ALDH2: variants seen among roughly 807,000 people sequenced by gnomAD.
ALDH2 encodes aldehyde dehydrogenase 2 family member.
Under a neutral mutation model 59.6 loss-of-function variants are expected in ALDH2, and 44 were observed. That is an observed-to-expected ratio of 0.74 (90% CI 0.58 to 0.95). The LOEUF (loss-of-function observed/expected upper bound fraction) is 0.95, where lower values mean the gene tolerates loss of function less well. Ranked by LOEUF, ALDH2 falls within the 40% of genes least tolerant of loss-of-function variation. ALDH2 has a pLI of 0.00. For missense variants in ALDH2, 570 were observed against 696.3 expected, an observed-to-expected ratio of 0.82 and a Z score of 2.04; for synonymous variants, 291 against 284.0, an observed-to-expected ratio of 1.02 and a Z score of -0.25.
At position 111,792,609 on chromosome 12, in the gene ALDH2, G is replaced by A. The variant is rs201108880; in HGVS notation, c.910G>A (p.Val304Met). 5.5e-4 allele frequency: 880 copies of A among 1,612,126 alleles called. 10 individuals carry two copies. In the Admixed American group the frequency reaches 0.014, roughly 25 times the overall value. The change falls in exon 9 of 13, where the codon GTG becomes ATG. Residue 304 changes from valine (V) to methionine (M), a missense_variant. By Grantham distance (21) the Val-to-Met change is conservative (BLOSUM62 1). Coordinates refer to ENST00000261733, the MANE Select transcript of ALDH2 (RefSeq NM_000690.4). Reference sequence around the variant, plus strand: ...CCCACTTCCCGCAGTGGATTGGGCCGTGGAACAGGCCCACTTCGCCCTGTT... The same window carrying A: ...CCCACTTCCCGCAGTGGATTGGGCCATGGAACAGGCCCACTTCGCCCTGTT... ...IMSDADMDWAVEQAHFALFFN... is the reference protein window; with the variant it reads ...IMSDADMDWAMEQAHFALFFN...
In ALDH2 at chr12:111,815,162, G is replaced by A. The variant is rs189872478; in HGVS notation, c.*5587G>A. ...AGTATTAACTGTGCACCCACTACATGCCAGGAACTGTACTTGGAGCCTTCT... is the reference window on the plus strand; with the variant it reads ...AGTATTAACTGTGCACCCACTACATACCAGGAACTGTACTTGGAGCCTTCT... On this transcript the variant is annotated 3_prime_UTR_variant, in exon 13 of 13. Transcript: ENST00000261733. 9.9e-5 allele frequency: 15 copies of A among 152,274 alleles called. No homozygotes were observed. The highest frequency in any genetic ancestry group is 3.6e-4 in the African/African-American group (15 of 41,554). The allele number at this position is 152,274 out of a possible 1,614,324, so 9.4% of individuals were successfully genotyped here.
chr12:111,804,452 GCGGTGGCTTTTCACCGGGCA>G (rs992568640), intron 12 of ALDH2, among the ~76,000 whole-genome samples: 1 of 152,142 alleles, frequency 6.6e-6, no homozygotes, highest in Non-Finnish European at 1.5e-5. Flanking sequence ...TTCACCAGGC[GCGGTGGCTTTTCACCGGGCA>G]CGGTGGCTCA....
rs1362466734 is a variant in ALDH2 at position 111,810,686 on chromosome 12, C to G, written c.*1111C>G. On this transcript the variant is annotated 3_prime_UTR_variant, in exon 13 of 13. Coordinates refer to ENST00000261733, the MANE Select transcript of ALDH2 (RefSeq NM_000690.4). The stretch of plus-strand genomic sequence containing the variant: ...GCAGTGGCACGATCATAGCTCACTG[C>G]TGCCTCGACCTCCTGGGCTCAAATG... The G allele has an allele frequency of 6.6e-6, 1 of 151,188 alleles. No individual in the cohort carries two copies. The highest frequency in any genetic ancestry group is 2.4e-5 in the African/African-American group (1 of 41,010). The allele number at this position is 151,188 out of a possible 1,614,324, so 9.4% of individuals were successfully genotyped here.
At chr12:111,772,468 G>T (rs1350337363) in intron 1 of ALDH2, among the ~76,000 whole-genome samples, 1 of 151,888 alleles carries the variant, frequency 6.6e-6, no homozygotes, top group African/African-American at 2.4e-5. Flanking sequence ...GGGTTCAAGC[G>T]ATTCTCCTGC....
At chr12:111,769,879 C>T (rs561200623) in intron 1 of ALDH2, among the ~76,000 whole-genome samples, 2 of 152,174 alleles carry the variant, frequency 1.3e-5, no homozygotes, top group East Asian at 1.9e-4. Context: ...GGTGCAGTGG[C>T]TCACACCTGT....
intron 1 of ALDH2, chr12:111,775,547 A>G: frequency 2.4e-6 from 1 of 413,758 alleles, no homozygotes; most frequent in Non-Finnish European, 4.8e-6. Context: ...AGATGTATTT[A>G]TTAAAATATG....
Position 111,766,973 on chromosome 12 carries a change from G to C in ALDH2, c.-10G>C, listed in dbSNP as rs912811130. On this transcript the variant is annotated 5_prime_UTR_variant, in exon 1 of 13. Transcript: ENST00000261733. ...CTCTCGGTCCGCTCGCTGTCCGCTAGCCCGCTGCGATGTTGCGCGCTGCCG... is the reference window on the plus strand; with the variant it reads ...CTCTCGGTCCGCTCGCTGTCCGCTACCCCGCTGCGATGTTGCGCGCTGCCG... The C allele has an allele frequency of 6.6e-7, 1 of 1,520,728 alleles. No individual in the cohort carries two copies. The highest frequency in any genetic ancestry group is 1.2e-5 in the South Asian group (1 of 82,828). 94.2% of individuals were successfully genotyped at this position (1,520,728 alleles called of 1,614,324 possible).
intron 1 of ALDH2, among the ~76,000 whole-genome samples, chr12:111,779,465 C>G (rs989971725): frequency 2.0e-5 from 3 of 152,208 alleles, no homozygotes; most frequent in Non-Finnish European, 4.4e-5. Flanking sequence ...GCTGGGACTA[C>G]AGGTGTGAGC....
rs527533208 is a variant in ALDH2 at position 111,783,321 on chromosome 12, C to G, written c.360+23C>G. On this transcript the variant is annotated intron_variant, in intron 3 of 12. Coordinates refer to ENST00000261733, the MANE Select transcript of ALDH2 (RefSeq NM_000690.4). ...GCGGTGAGTCCTCAGCCCTTCTCCC[C>G]CTCAGATCCCATGTGGTGAATAGGC... 4.5e-5 allele frequency: 71 copies of G among 1,584,004 alleles called. No homozygotes were observed. The East Asian group carries it at 8.2e-4, about 18-fold the overall frequency.
At chr12:111,782,162 T>C in intron 2 of ALDH2, 140 bp downstream of exon 2, 1 of 644,186 alleles carries the variant, frequency 1.6e-6, no homozygotes, top group African/African-American at 1.8e-5. Context: ...AGTAAATTAA[T>C]CAATAGAAAC....
intron 9 of ALDH2, among the ~76,000 whole-genome samples, chr12:111,795,334 G>A (rs928140270): frequency 6.6e-6 from 1 of 152,136 alleles, no homozygotes; most frequent in African/African-American, 2.4e-5. Context: ...CCAGGCTGGA[G>A]TGCAGTGGCA....
chr12:111,808,989 A>G (rs1009830109), intron 12 of ALDH2, among the ~76,000 whole-genome samples: 15 of 152,228 alleles, frequency 9.9e-5, no homozygotes, highest in Middle Eastern at 6.8e-3. Flanking sequence ...TGTGATAGGG[A>G]ACACTGAATG....
chr12:111,777,676 G>A (rs1311013926), intron 1 of ALDH2, among the ~76,000 whole-genome samples: 1 of 152,116 alleles, frequency 6.6e-6, no homozygotes, highest in Non-Finnish European at 1.5e-5. Flanking sequence ...CCCCGAGGAG[G>A]AGCTGACTTT....
Position 111,792,677 on chromosome 12 carries a change from C to T in ALDH2, c.978C>T (p.Phe326=), listed in dbSNP as rs766818746. 7.5e-6 allele frequency: 12 copies of T among 1,609,702 alleles called. No individual in the cohort carries two copies. In the East Asian group the frequency reaches 2.0e-4, roughly 27 times the overall value. ...GQCCCAGSRT[F]VQEDIYDEFV... Reference sequence around the variant, plus strand: ...GCTGCTGTGCCGGCTCCCGGACCTTCGTGCAGGAGGACATCTATGATGAGT... The same window carrying T: ...GCTGCTGTGCCGGCTCCCGGACCTTTGTGCAGGAGGACATCTATGATGAGT... Residue 326 remains phenylalanine, a synonymous_variant, in exon 9 of 13, where the codon TTC becomes TTT. Coordinates refer to ENST00000261733, the MANE Select transcript of ALDH2 (RefSeq NM_000690.4).
chr12:111,796,007 C>T (rs886954053), intron 9 of ALDH2, among the ~76,000 whole-genome samples: 17 of 152,112 alleles, frequency 1.1e-4, no homozygotes, highest in Admixed American at 6.6e-4. Flanking sequence ...ACATCTGTAA[C>T]CCCAACACTT....
chr12:111,768,769 AG>A (rs1593066944), intron 1 of ALDH2, among the ~76,000 whole-genome samples: 3 of 152,136 alleles, frequency 2.0e-5, no homozygotes, highest in East Asian at 3.8e-4. Flanking sequence ...CCTTGAGCCT[AG>A]GATTTCGAGA....
Position 111,791,366 on chromosome 12 carries a change from G to A in ALDH2, c.742G>A (p.Ala248Thr), listed in dbSNP as rs760546011. ...VPGFGPTAGA[A>T]IASHEDVDKV... ...TGGATTTGGCCCCACGGCTGGGGCC[G>A]CCATTGCCTCCCATGAGGATGTGGA... Residue 248 changes from alanine to threonine, a missense_variant, in exon 7 of 13, where the codon GCC becomes ACC. By Grantham distance (58) the Ala-to-Thr change is moderately conservative. Transcript: ENST00000261733. 8.7e-6 allele frequency: 14 copies of A among 1,614,008 alleles called. No individual in the cohort carries two copies. Among genetic ancestry groups the A allele is most frequent in the Admixed American group, 5.0e-5 (3 of 60,002 alleles).
chr12:111,790,562 G>A lies in ALDH2; in HGVS notation c.681G>A (p.Glu227=). 1.9e-6 allele frequency: 3 copies of A among 1,614,172 alleles called. No homozygotes were observed. Among genetic ancestry groups the A allele is most frequent in the Non-Finnish European group, 2.5e-6 (3 of 1,180,026 alleles). The change falls in exon 6 of 13, where the codon GAG becomes GAA. Residue 227 remains glutamate (E), a splice_region_variant and synonymous_variant. Coordinates refer to ENST00000261733, the MANE Select transcript of ALDH2 (RefSeq NM_000690.4). The stretch of plus-strand genomic sequence containing the variant: ...TCTATGTGGCCAACCTGATCAAGGA[G>A]GTGCGTGGCTTATCCTGGTCTTAAC... ...TALYVANLIK[E]AGFPPGVVNI...
At chr12:111,777,472 C>G (rs752692149) in intron 1 of ALDH2, among the ~76,000 whole-genome samples, 21 of 152,168 alleles carry the variant, frequency 1.4e-4, no homozygotes, top group Non-Finnish European at 2.8e-4. Context: ...TCTCTGTACT[C>G]TCCTAACCCT....
Sources: gnomAD v4.1 joint callset for allele counts (sites outside exome capture counted in the v4.1 genomes callset) on GRCh38, gnomAD v4.1.1 for gene constraint, MANE v1.5 for transcripts, NCBI Gene and HGNC (gene_info 2026-07-23, HGNC 2026-07-21) for gene names.